ZNF18: variants seen among roughly 807,000 people sequenced by gnomAD.
ZNF18 encodes the protein heart development-specific gene 1 protein.
Under a neutral mutation model 58.1 loss-of-function variants are expected in ZNF18, and 42 were observed. That is an observed-to-expected ratio of 0.72 (90% CI 0.56 to 0.93). ZNF18 has a LOEUF of 0.93. Ranked by LOEUF, ZNF18 falls within the 40% of genes least tolerant of loss-of-function variation. The probability of loss-of-function intolerance (pLI) is 0.00; values close to 1 mark genes in which losing one functional copy is unlikely to be tolerated. For missense variants in ZNF18, 540 were observed against 644.2 expected, an observed-to-expected ratio of 0.84 and a Z score of 1.75; for synonymous variants, 231 against 239.8, an observed-to-expected ratio of 0.96 and a Z score of 0.34.
rs1336639959 is a variant in ZNF18 at position 11,977,976 on chromosome 17, C to G, written c.1631G>C (p.Gly544Ala). Residue 544 changes from glycine to alanine, a missense_variant, in exon 7 of 7, where the codon GGA becomes GCA. Gly to Ala is a moderately conservative substitution (Grantham distance 60). Coordinates refer to ENST00000580306, the MANE Select transcript of ZNF18 (RefSeq NM_001303281.2). ...SLDKHQRSHL[G>A]KKPFQ Reference sequence around the variant, plus strand: ...TACTGGCTATTGAAAGGGCTTCTTTCCTAAGTGGGATCTTTGATGTTTGTC... The same window carrying G: ...TACTGGCTATTGAAAGGGCTTCTTTGCTAAGTGGGATCTTTGATGTTTGTC... The G allele has an allele frequency of 6.3e-7, 1 of 1,577,236 alleles. No individual in the cohort carries two copies. The highest frequency in any genetic ancestry group is 1.8e-5 in the Admixed American group (1 of 54,218).
chr17:11,991,313 A>G, intron 2 of ZNF18, 150 bp from the exon 3 acceptor site: 1 of 780,326 alleles, frequency 1.3e-6, no homozygotes, highest in Non-Finnish European at 1.9e-6. Flanking sequence ...GTCCAGCAGG[A>G]ACCAGGGAAA....
At chr17:12,016,935 G>A in the ZNF18 span, among the ~76,000 whole-genome samples, 6 of 151,990 alleles carry the variant, frequency 3.9e-5, no homozygotes, top group African/African-American at 7.2e-5. Context: ...GGTGGCTCAC[G>A]TCTGTAATTC....
intron 1 of ZNF18, 189 bp downstream of exon 1, chr17:11,997,242 A>T (rs879618368): frequency 9.3e-4 from 141 of 152,396 alleles, no homozygotes; most frequent in Non-Finnish European, 1.5e-3. Flanking sequence ...CCCACGGTCC[A>T]CTCCCAGCCA....
intron 6 of ZNF18, 92 bp from the exon 7 acceptor site, chr17:11,978,836 T>G (rs983424640): frequency 5.6e-5 from 31 of 553,998 alleles, no homozygotes; most frequent in Admixed American, 4.0e-4. Flanking sequence ...AAAACATTCA[T>G]TTTCTTTTTT....
chr17:12,016,925 G>T, the ZNF18 span, among the ~76,000 whole-genome samples: 1 of 151,932 alleles, frequency 6.6e-6, no homozygotes, highest in Non-Finnish European at 1.5e-5. Context: ...GGCCAGGTGC[G>T]GTGGCTCACG....
chr17:11,993,823 C>CAAAA (rs1968292975), intron 1 of ZNF18, among the ~76,000 whole-genome samples: 4 of 4,176 alleles, frequency 9.6e-4, no homozygotes, highest in African/African-American at 2.7e-3. Context: ...GACTCCGTCT[C>CAAAA]ACAAAAAAAA....
At chr17:11,986,179 T>C (rs1369567112) in intron 4 of ZNF18, among the ~76,000 whole-genome samples, 4 of 152,242 alleles carry the variant, frequency 2.6e-5, no homozygotes, top group African/African-American at 9.6e-5. Flanking sequence ...CCTGCCGCCA[T>C]CCTTGAAAGA....
At position 11,982,706 on chromosome 17, in the gene ZNF18, C is replaced by T. The variant is rs188461080; in HGVS notation, c.862+591G>A. Among the ~76,000 whole-genome samples, 287 of 112,300 alleles carry T rather than the reference C, an allele frequency of 2.6e-3. 3 individuals are homozygous for T. The highest frequency in any genetic ancestry group is 5.1e-3 in the Non-Finnish European group (253 of 49,468). The allele number at this position is 112,300 out of a possible 152,430, so 73.7% of individuals were successfully genotyped here. ...TGTGTGTGTGTGTGTGTGTAGGTTT[C>T]GCAATTAGTTTTTACGTAACTTCAA... On this transcript the variant is annotated intron_variant, in intron 6 of 6. Coordinates refer to ENST00000580306, the MANE Select transcript of ZNF18 (RefSeq NM_001303281.2).
chr17:11,983,319 C>T lies in ZNF18; in HGVS notation c.840G>A (p.Lys280=). ...CACCTATGCAGGTGGGTCTTGGGAT[C>T]TTCTCATTGACATGAAGGTATATTC... ...LAGIYLHVNE[K]IPRPTCIGDR... is the part of the protein sequence containing the mutation. The change falls in exon 6 of 7, where the codon AAG becomes AAA. Residue 280 remains lysine, a synonymous_variant. Coordinates refer to ENST00000580306, the MANE Select transcript of ZNF18 (RefSeq NM_001303281.2). 1 of 1,613,730 alleles carries T rather than the reference C, an allele frequency of 6.2e-7. No individual in the cohort carries two copies.
chr17:11,982,859 T>C (rs570312549), intron 6 of ZNF18, among the ~76,000 whole-genome samples: 3 of 152,214 alleles, frequency 2.0e-5, no homozygotes, highest in Non-Finnish European at 4.4e-5. Flanking sequence ...TTTTAAGAAG[T>C]GTTAGGTGCA....
chr17:11,992,676 T>G lies in ZNF18; in HGVS notation c.154A>C (p.Met52Leu). Residue 52 changes from methionine (M) to leucine (L), a missense_variant, in exon 2 of 7, where the codon ATG (methionine) becomes CTG (leucine). Physicochemically the swap from Met to Leu is conservative, Grantham distance 15. Transcript: ENST00000580306. ...TTCAAGGTCTCATGAGGCCCAGACA[T>G]CACCTGGTAACGGAACTGCCTGAAA... ...QLFRQFRYQV[M>L]SGPHETLKQL... 1 of 1,614,210 alleles carries G rather than the reference T, an allele frequency of 6.2e-7. No homozygotes were observed. Among genetic ancestry groups the G allele is most frequent in the Non-Finnish European group, 8.5e-7 (1 of 1,180,032 alleles).
intron 6 of ZNF18, among the ~76,000 whole-genome samples, chr17:11,982,688 G>GTGTT (rs1252810780): frequency 2.7e-5 from 4 of 148,670 alleles, no homozygotes; most frequent in African/African-American, 7.7e-5. Context: ...GTGTGTGTGT[G>GTGTT]TGTGTGTGTG....
In ZNF18 at chr17:11,978,111, T is replaced by C. The variant is rs754359351; in HGVS notation, c.1496A>G (p.Lys499Arg). 2.4e-5 allele frequency: 38 copies of C among 1,614,050 alleles called. No individual in the cohort carries two copies. The highest frequency in any genetic ancestry group is 3.1e-5 in the Non-Finnish European group (37 of 1,180,036). ...AAAGTTTGATCTCTGAATGAAACTT[T>C]TCTCACAGATAGGACATTTATAGGG... ...EKPYKCPICE[K>R]SFIQRSNFNR... The change falls in exon 7 of 7, where the codon AAA (lysine) becomes AGA (arginine). Residue 499 changes from lysine (K) to arginine (R), a missense_variant. Coordinates refer to ENST00000580306, the MANE Select transcript of ZNF18 (RefSeq NM_001303281.2).
At chr17:11,997,827 C>G (rs939845636), upstream of ZNF18, among the ~76,000 whole-genome samples, 2 of 152,218 alleles carry the variant, frequency 1.3e-5, no homozygotes, top group Non-Finnish European at 2.9e-5. Context: ...ACCCGCAGAG[C>G]TGCAACGCTC....
the ZNF18 span, among the ~76,000 whole-genome samples, chr17:12,017,877 CA>C: frequency 0.33 from 45,773 of 139,842 alleles, 7,295 homozygotes; most frequent in Non-Finnish European, 0.37. Flanking sequence ...AACACCATCT[CA>C]AAAAAAAAAA....
At chr17:12,012,501 GTATATACATTT>G in the ZNF18 span, among the ~76,000 whole-genome samples, 1 of 152,138 alleles carries the variant, frequency 6.6e-6, no homozygotes, top group Non-Finnish European at 1.5e-5. Flanking sequence ...GGGTTAAAGG[GTATATACATTT>G]TTAATTTTGA....
At chr17:12,003,389 G>T in the ZNF18 span, among the ~76,000 whole-genome samples, 3 of 150,500 alleles carry the variant, frequency 2.0e-5, no homozygotes, top group African/African-American at 4.9e-5. Context: ...GCAGTGAGCC[G>T]AGATAGTGCT....
At chr17:12,017,983 G>A in the ZNF18 span, among the ~76,000 whole-genome samples, 1,881 of 152,224 alleles carry the variant, frequency 0.012, 17 homozygotes, top group Non-Finnish European at 0.02. Flanking sequence ...GGAATACACA[G>A]ACGTTACTCT....
the ZNF18 span, among the ~76,000 whole-genome samples, chr17:12,017,196 C>CA: frequency 9.0e-4 from 131 of 145,616 alleles, no homozygotes; most frequent in African/African-American, 1.3e-3. Context: ...GACTCTGTCT[C>CA]AAAAAAAAAA....
Sources: gnomAD v4.1 joint callset for allele counts (sites outside exome capture counted in the v4.1 genomes callset) on GRCh38, gnomAD v4.1.1 for gene constraint, MANE v1.5 for transcripts, NCBI Gene and HGNC (gene_info 2026-07-23, HGNC 2026-07-21) for gene names.